NFATC3: variants seen among roughly 807,000 people sequenced by gnomAD.
NFATC3 encodes the protein nuclear factor of activated T-cells, cytoplasmic 3.
NFATC3 carries 46 observed loss-of-function variants against 98.6 expected under a neutral mutation model. The ratio of observed to expected loss-of-function variants is 0.47; its 90% CI spans 0.37 to 0.60. The LOEUF (loss-of-function observed/expected upper bound fraction) is 0.60. NFATC3 is among the 20% of genes least tolerant of loss of function. The probability of loss-of-function intolerance (pLI) is 0.00; values close to 1 mark genes in which losing one functional copy is unlikely to be tolerated. For missense variants in NFATC3, 1,256 were observed against 1,295.5 expected (o/e 0.97, Z 0.47); for synonymous variants, 512 against 472.2 (o/e 1.08, Z -1.09).
chr16:68,210,191 G>A (rs370815300), intron 9 of NFATC3, among the ~76,000 whole-genome samples: 2 of 151,880 alleles, frequency 1.3e-5, no homozygotes, highest in Admixed American at 6.6e-5. Flanking sequence ...CCAGCTACTC[G>A]GGAGGCTGAG....
chr16:68,134,879 C>T (rs1166829841), intron 3 of NFATC3, among the ~76,000 whole-genome samples: 7 of 151,914 alleles, frequency 4.6e-5, no homozygotes, highest in African/African-American at 7.3e-5. Context: ...GCAAACCATG[C>T]AGCCAGTGTC....
chr16:68,195,636 G>A (rs1391856599), intron 9 of NFATC3, among the ~76,000 whole-genome samples: 4 of 151,804 alleles, frequency 2.6e-5, no homozygotes, highest in Non-Finnish European at 4.4e-5. Flanking sequence ...GTGAAACCCC[G>A]TCTCTACTAA....
chr16:68,224,483 G>A (rs2041974096), intron 9 of NFATC3, among the ~76,000 whole-genome samples: 1 of 151,378 alleles, frequency 6.6e-6, no homozygotes, highest in South Asian at 2.1e-4. Context: ...CACCATCTTG[G>A]CCAGGCTGGT....
At chr16:68,116,153 A>G (rs1887620317) in intron 1 of NFATC3, among the ~76,000 whole-genome samples, 1 of 152,148 alleles carries the variant, frequency 6.6e-6, no homozygotes, top group Non-Finnish European at 1.5e-5. Flanking sequence ...ATTTATGGAT[A>G]CCAGAATTTG....
At chr16:68,115,976 A>G (rs1053778432) in intron 1 of NFATC3, among the ~76,000 whole-genome samples, 3 of 152,078 alleles carry the variant, frequency 2.0e-5, no homozygotes, top group Non-Finnish European at 2.9e-5. Context: ...TATGCATTGC[A>G]CTCATTAGAA....
rs2039949572 is a variant in NFATC3, at chr16:68,181,515, G to A, written c.1956G>A (p.Arg652=). Residue 652 remains arginine (R), a synonymous_variant, in exon 7 of 10, where the codon AGG becomes AGA. Transcript: ENST00000346183. ...GGGAGGTAGAAGGGAAGATAATCAG[G>A]GAAAAATGTCAAGGGGTAAGAAATT... ...PQWEVEGKII[R]EKCQGAHIVL... is the part of the protein sequence containing the mutation. The A allele has an allele frequency of 6.2e-7, 1 of 1,610,008 alleles. No individual in the cohort carries two copies. Among genetic ancestry groups the A allele is most frequent in the Non-Finnish European group, 8.5e-7 (1 of 1,176,882 alleles).
intron 8 of NFATC3, 118 bp downstream of exon 8, chr16:68,183,484 A>C (rs542530411): frequency 2.1e-5 from 22 of 1,046,454 alleles, no homozygotes; most frequent in Non-Finnish European, 2.8e-5. Context: ...TGAAAACACC[A>C]ACAGATGCCC....
At chr16:68,214,528 G>T in intron 9 of NFATC3, 2 of 987,070 alleles carry the variant, frequency 2.0e-6, no homozygotes, top group South Asian at 1.4e-5. Flanking sequence ...GAGGGGGTAT[G>T]CACGGGCATT....
At chr16:68,087,961 G>A (rs968981424) in intron 1 of NFATC3, among the ~76,000 whole-genome samples, 4 of 152,060 alleles carry the variant, frequency 2.6e-5, no homozygotes, top group Non-Finnish European at 4.4e-5. Context: ...TGAACACATA[G>A]CAATTAATTT....
chr16:68,119,442 G>A (rs532182453), intron 1 of NFATC3, among the ~76,000 whole-genome samples: 7 of 151,842 alleles, frequency 4.6e-5, no homozygotes, highest in African/African-American at 1.2e-4. Context: ...TTCCCATCTC[G>A]TAAGGCCTTA....
chr16:68,160,185 A>G (rs1023729359), intron 4 of NFATC3, among the ~76,000 whole-genome samples: 4 of 152,186 alleles, frequency 2.6e-5, no homozygotes, highest in African/African-American at 9.7e-5. Context: ...AGAAACTGAT[A>G]TGTTTCTATT....
chr16:68,116,365 A>G (rs942642885), intron 1 of NFATC3, among the ~76,000 whole-genome samples: 2 of 152,090 alleles, frequency 1.3e-5, no homozygotes. Context: ...CCTCTGCTTC[A>G]TACTATACAT....
At chr16:68,178,642 A>T (rs1275446716) in intron 6 of NFATC3, among the ~76,000 whole-genome samples, 1 of 152,222 alleles carries the variant, frequency 6.6e-6, no homozygotes, top group Admixed American at 6.5e-5. Flanking sequence ...AACTGTTTGT[A>T]TCAAGTCATC....
chr16:68,122,536 G>C lies in NFATC3; in HGVS notation c.653G>C (p.Gly218Ala). The C allele has an allele frequency of 1.9e-6, 3 of 1,614,048 alleles. No individual in the cohort carries two copies. Among genetic ancestry groups the C allele is most frequent in the Non-Finnish European group, 1.7e-6 (2 of 1,179,972 alleles). The change falls in exon 2 of 10, where the codon GGC (glycine) becomes GCC (alanine). Residue 218 changes from glycine (G) to alanine (A), a missense_variant. By Grantham distance (60) the Gly-to-Ala change is moderately conservative. This residue lies in a region of NFATC3 where 464 missense variants were observed against 465.7 expected (regional missense o/e 1.00). Transcript: ENST00000346183. ...ACTTCTCCTGGTGGCTCTCCAGGGG[G>C]CTGCCCTGGAGAAGAAACTTGGCAT... is the stretch of plus-strand genomic sequence containing the variant. ...PLTSPGGSPG[G>A]CPGEETWHQQ...
At chr16:68,151,436 T>C (rs1326497731) in intron 3 of NFATC3, among the ~76,000 whole-genome samples, 2 of 152,160 alleles carry the variant, frequency 1.3e-5, no homozygotes, top group Admixed American at 1.3e-4. Flanking sequence ...ACTCTTTACA[T>C]GGTAAGTTGT....
At chr16:68,112,037 T>A (rs2151482320) in intron 1 of NFATC3, among the ~76,000 whole-genome samples, 1 of 152,262 alleles carries the variant, frequency 6.6e-6, no homozygotes, top group East Asian at 1.9e-4. Flanking sequence ...CCTCTCTCCC[T>A]GCGCTTAACA....
At position 68,122,185 on chromosome 16, in the gene NFATC3, G is replaced by A. The variant is rs1459890535; in HGVS notation, c.302G>A (p.Gly101Asp). The change falls in exon 2 of 10, where the codon GGT becomes GAT. Residue 101 changes from glycine (G) to aspartate (D), a missense_variant. Physicochemically the swap from Gly to Asp is moderately conservative, Grantham distance 94. Coordinates refer to ENST00000346183, the MANE Select transcript of NFATC3 (RefSeq NM_173165.3). The stretch of plus-strand genomic sequence containing the variant: ...CCTGAATCTAAATATAGCCCATTAG[G>A]TGGTCCCAAACCCTTTGAGTGCCCA... The part of the protein sequence containing the change: ...EIPESKYSPL[G>D]GPKPFECPSI... 1 of 1,614,072 alleles carries A rather than the reference G, an allele frequency of 6.2e-7. No individual in the cohort carries two copies. The highest frequency in any genetic ancestry group is 8.5e-7 in the Non-Finnish European group (1 of 1,180,036).
intron 9 of NFATC3, chr16:68,226,107 G>A (rs1436945699): frequency 2.6e-6 from 1 of 390,982 alleles, no homozygotes; most frequent in Non-Finnish European, 4.5e-6. Context: ...CCTTTAGAGT[G>A]AGGGTAAGCC....
At chr16:68,205,990 C>A (rs1183213057) in intron 9 of NFATC3, among the ~76,000 whole-genome samples, 1 of 152,016 alleles carries the variant, frequency 6.6e-6, no homozygotes, top group African/African-American at 2.4e-5. Context: ...CCCCACCTCC[C>A]AAATCTATGA....
Sources: allele counts gnomAD v4.1 joint callset (sites outside exome capture counted in the v4.1 genomes callset), GRCh38; gene constraint gnomAD v4.1.1; regional missense constraint gnomAD v4.1.1; transcripts MANE v1.5; gene names NCBI Gene and HGNC (gene_info 2026-07-23, HGNC 2026-07-21).